GAK: variants seen among roughly 807,000 people sequenced by gnomAD.
GAK encodes cyclin-G-associated kinase.
GAK carries 79 observed loss-of-function variants against 143.9 expected under a neutral mutation model. The observed-to-expected ratio is 0.55, with a 90% CI of 0.46 to 0.66. The LOEUF (loss-of-function observed/expected upper bound fraction) is 0.66. GAK is among the 30% of genes least tolerant of loss of function. The pLI is 0.00. For synonymous variants in GAK, 881 were observed against 765.5 expected (o/e 1.15, Z -2.49); for missense variants, 1,693 against 1,779.7 (o/e 0.95, Z 0.88).
chr4:902,045 C>A (rs1235838043), intron 5 of GAK, among the ~76,000 whole-genome samples: 1 of 152,172 alleles, frequency 6.6e-6, no homozygotes, highest in Non-Finnish European at 1.5e-5. Context: ...CGAAACCAGC[C>A]TAGACAACAT....
At chr4:893,624 C>A (rs1397311565) in intron 8 of GAK, 135 bp from the exon 9 acceptor site, 7 of 718,960 alleles carry the variant, frequency 9.7e-6, no homozygotes, top group South Asian at 4.3e-5. Context: ...AAGAAGGGAG[C>A]GGCAAAGGGA....
At chr4:883,170 C>G (rs1577149865) in intron 13 of GAK, 145 bp downstream of exon 13, 2 of 959,112 alleles carry the variant, frequency 2.1e-6, no homozygotes, top group East Asian at 2.6e-5. Flanking sequence ...CTCGCCCCCT[C>G]CTGTCCCACG....
At chr4:885,200 C>G (rs1388522006) in intron 11 of GAK, among the ~76,000 whole-genome samples, 1 of 152,174 alleles carries the variant, frequency 6.6e-6, no homozygotes, top group Non-Finnish European at 1.5e-5. Flanking sequence ...GTGAGCCTGA[C>G]GCTTGGCCAC....
At chr4:877,574 G>A (rs1714211477) in intron 16 of GAK, 41 bp downstream of exon 16, 2 of 1,524,084 alleles carry the variant, frequency 1.3e-6, no homozygotes, top group Non-Finnish European at 1.8e-6. Context: ...CCGGAGGGGT[G>A]AGGAGGAGGG....
intron 23 of GAK, among the ~76,000 whole-genome samples, chr4:863,174 G>C (rs565389707): frequency 2.2e-4 from 34 of 152,378 alleles, no homozygotes; most frequent in Admixed American, 2.2e-3. Context: ...TTGAGGAGTT[G>C]AAGACTTCAG....
intron 1 of GAK, among the ~76,000 whole-genome samples, chr4:922,798 C>T (rs1279531688): frequency 6.6e-6 from 1 of 152,224 alleles, no homozygotes; most frequent in African/African-American, 2.4e-5. Context: ...CAACTGCACT[C>T]TTAAACATTT....
chr4:885,812 G>C (rs1051266899), intron 11 of GAK: 1 of 151,930 alleles, frequency 6.6e-6, no homozygotes, highest in Non-Finnish European at 1.5e-5. Context: ...CTCACTCCAG[G>C]CCAGAGTGCA....
intron 24 of GAK, 123 bp from the exon 25 acceptor site, chr4:852,097 T>A: frequency 1.2e-6 from 1 of 857,020 alleles, no homozygotes; most frequent in Non-Finnish European, 1.9e-6. Flanking sequence ...CACCGATCAC[T>A]CGAGGCCGTC....
At chr4:908,355 C>G (rs542576218) in intron 4 of GAK, among the ~76,000 whole-genome samples, 2 of 152,150 alleles carry the variant, frequency 1.3e-5, no homozygotes, top group African/African-American at 4.8e-5. Flanking sequence ...CTGGATGGAA[C>G]GAAGCGACCG....
chr4:865,273 A>G (rs762909053), intron 22 of GAK, 29 bp from the exon 23 acceptor site: 1 of 1,612,116 alleles, frequency 6.2e-7, no homozygotes, highest in Non-Finnish European at 8.5e-7. Flanking sequence ...AAGAGAGCAC[A>G]GTTTGGTGTC....
rs533750684 is a variant in GAK, at chr4:904,650, T to C, written c.512A>G (p.His171Arg). Reference protein sequence around the residue: ...HMHRQKPPIIHRDLKVENLLL... With the variant: ...HMHRQKPPIIRRDLKVENLLL... ...GGGAGCCACTACCTTGAGGTCCCTG[T>C]GGATGATGGGCGGCTTCTGCCGGTG... The change falls in exon 5 of 28, where the codon CAC becomes CGC. Residue 171 changes from histidine (H) to arginine (R), a missense_variant. This residue lies in a region of GAK where 871 missense variants were observed against 991.0 expected (regional missense o/e 0.88). Coordinates refer to ENST00000314167, the MANE Select transcript of GAK (RefSeq NM_005255.4). 1 of 1,597,254 alleles carries C rather than the reference T, an allele frequency of 6.3e-7. No homozygotes were observed. The highest frequency in any genetic ancestry group is 1.3e-5 in the African/African-American group (1 of 74,406).
intron 27 of GAK, 59 bp from the exon 28 acceptor site, chr4:849,833 G>GGGGGGGGGGCCCCCCCCCCCCCC: frequency 1.7e-6 from 2 of 1,190,150 alleles, no homozygotes; most frequent in Non-Finnish European, 2.3e-6. Flanking sequence ...GGCGGGGCAG[G>GGGGGGGGGGCCCCCCCCCCCCCC]ACCCCCCCCC....
chr4:877,767 G>A lies in GAK; in HGVS notation c.1704C>T (p.Ile568=). ...YMCDMVAEEP[I]TPHSKPILVR... Reference sequence around the variant, plus strand: ...CCAGGATGGGCTTGCTGTGGGGTGTGATGGGCTCCTCCGCCACCATGTCAC... The same window carrying A: ...CCAGGATGGGCTTGCTGTGGGGTGTAATGGGCTCCTCCGCCACCATGTCAC... Residue 568 remains isoleucine (I), a synonymous_variant, in exon 16 of 28, where the codon ATC becomes ATT. Transcript: ENST00000314167. 1.2e-6 allele frequency: 2 copies of A among 1,611,656 alleles called. No individual in the cohort carries two copies. The highest frequency in any genetic ancestry group is 8.5e-7 in the Non-Finnish European group (1 of 1,179,188).
intron 1 of GAK, among the ~76,000 whole-genome samples, chr4:919,471 G>A (rs151123698): frequency 1.2e-3 from 183 of 152,312 alleles, no homozygotes; most frequent in African/African-American, 4.3e-3. Flanking sequence ...CTCTCCAGCC[G>A]CACCCCGCAT....
At chr4:850,819 G>T in intron 26 of GAK, 117 bp downstream of exon 26, 1 of 1,140,940 alleles carries the variant, frequency 8.8e-7, no homozygotes, top group Non-Finnish European at 1.2e-6. Context: ...TACAGCAGAT[G>T]CTCCAGGGGT....
intron 11 of GAK, chr4:888,609 C>T: frequency 3.8e-6 from 2 of 525,670 alleles, no homozygotes; most frequent in Admixed American, 3.5e-5. Flanking sequence ...AGGGCCCAGG[C>T]ATCTCCTCAG....
intron 24 of GAK, among the ~76,000 whole-genome samples, chr4:857,726 C>T (rs1002255437): frequency 2.0e-5 from 3 of 152,194 alleles, no homozygotes; most frequent in African/African-American, 7.2e-5. Context: ...TCAGAACTGG[C>T]CTCTGTCCCT....
intron 4 of GAK, among the ~76,000 whole-genome samples, chr4:906,015 C>T (rs1032571160): frequency 6.6e-6 from 1 of 152,238 alleles, no homozygotes; most frequent in Non-Finnish European, 1.5e-5. Flanking sequence ...GCAACAACCG[C>T]GTCAGCATCC....
At position 865,189 on chromosome 4, in the gene GAK, C is replaced by T; in HGVS notation, c.3099G>A (p.Leu1033=). 6.2e-7 allele frequency: 1 copy of T among 1,613,362 alleles called. No individual in the cohort carries two copies. The highest frequency in any genetic ancestry group is 8.5e-7 in the Non-Finnish European group (1 of 1,179,858). The part of the protein sequence containing the change: ...KMTASSSNPD[L]LGGWAAWTET... ...CGGTCCAGGCAGCCCATCCTCCCAG[C>T]AGGTCTGGGTTGCTGGACGAGGCTG... Residue 1033 remains leucine (L), a synonymous_variant, in exon 23 of 28, where the codon CTG becomes CTA. Coordinates refer to ENST00000314167, the MANE Select transcript of GAK (RefSeq NM_005255.4).
Sources: gnomAD v4.1 joint callset for allele counts (sites outside exome capture counted in the v4.1 genomes callset) on GRCh38, gnomAD v4.1.1 for gene constraint, gnomAD v4.1.1 regional missense constraint, MANE v1.5 for transcripts, NCBI Gene and HGNC (gene_info 2026-07-23, HGNC 2026-07-21) for gene names.